Variants in HPS1 observed in about 807,000 individuals in gnomAD.
HPS1 encodes BLOC-3 complex member HPS1.
A neutral mutation model predicts 90.6 loss-of-function variants in HPS1; 59 were observed. The observed-to-expected ratio is 0.65, with a 90% CI of 0.53 to 0.81. The LOEUF (loss-of-function observed/expected upper bound fraction) is 0.81. HPS1 is among the 30% of genes least tolerant of loss of function. The pLI is 0.00. For synonymous variants in HPS1, 388 were observed against 384.4 expected, an observed-to-expected ratio of 1.01 and a Z score of -0.11; for missense variants, 849 against 896.7, an observed-to-expected ratio of 0.95 and a Z score of 0.68.
chr10:98,430,544 C>T (rs1480082614), intron 8 of HPS1, 27 bp downstream of exon 8: 2 of 1,534,348 alleles, frequency 1.3e-6, no homozygotes, highest in Non-Finnish European at 8.8e-7. Flanking sequence ...TAATGGCCTC[C>T]CTCTGCCCAG....
chr10:98,420,199 G>A (rs1459414492), intron 17 of HPS1, 41 bp from the exon 18 acceptor site: 20 of 1,430,090 alleles, frequency 1.4e-5, no homozygotes, highest in Middle Eastern at 3.5e-4. Flanking sequence ...TCCCAGCCTT[G>A]GTCTGCCTGG....
chr10:98,446,249 T>C (rs1011709090), intron 1 of HPS1, among the ~76,000 whole-genome samples: 2 of 152,148 alleles, frequency 1.3e-5, no homozygotes, highest in Admixed American at 1.3e-4. Flanking sequence ...TTGGCCCGAA[T>C]GCCATATTCC....
At chr10:98,427,613 G>A (rs1591065539) in intron 10 of HPS1, among the ~76,000 whole-genome samples, 1 of 141,130 alleles carries the variant, frequency 7.1e-6, no homozygotes, top group South Asian at 2.2e-4. Flanking sequence ...TCCTTGTTCT[G>A]TCCCCTGTAT....
chr10:98,420,360 C>T lies in HPS1; in HGVS notation c.1744-202G>A, dbSNP rs74154422. ...GATGGATGGACTACCCTCCAGTTAGCGTGGGGGCAAAATATATGTAAAAAA... is the reference window on the plus strand; with the variant it reads ...GATGGATGGACTACCCTCCAGTTAGTGTGGGGGCAAAATATATGTAAAAAA... On this transcript the variant is annotated intron_variant, in intron 17 of 19. Transcript: ENST00000361490. 8,852 of 578,000 alleles carry T rather than the reference C, an allele frequency of 0.015. 508 individuals carry two copies. The highest frequency in any genetic ancestry group is 0.14 in the African/African-American group (7,278 of 53,338). 35.8% of individuals were successfully genotyped at this position (578,000 alleles called of 1,614,324 possible).
At chr10:98,415,061 CG>C, downstream of HPS1, 1 of 1,614,100 alleles carries the variant, frequency 6.2e-7, no homozygotes, top group Non-Finnish European at 8.5e-7. Flanking sequence ...CCCTGGCTTC[CG>C]TGTTATCTCG....
intron 11 of HPS1, among the ~76,000 whole-genome samples, chr10:98,426,261 C>T (rs1432917121): frequency 1.3e-5 from 2 of 152,096 alleles, no homozygotes; most frequent in South Asian, 2.1e-4. Flanking sequence ...CACAGAGGAC[C>T]GAGAAGGCAG....
downstream of HPS1, chr10:98,414,912 C>T: frequency 6.6e-7 from 1 of 1,511,570 alleles, no homozygotes; most frequent in Non-Finnish European, 9.0e-7. Context: ...GAGGAGAGAG[C>T]AGTGGGGCTT....
intron 11 of HPS1, 115 bp downstream of exon 11, chr10:98,427,100 A>T: frequency 1.2e-6 from 1 of 828,498 alleles, no homozygotes; most frequent in Non-Finnish European, 2.0e-6. Flanking sequence ...TGGGGTGGGC[A>T]GGAGGAGGGC....
chr10:98,422,021 G>GT (rs527644470), intron 17 of HPS1, among the ~76,000 whole-genome samples: 1 of 135,138 alleles, frequency 7.4e-6, no homozygotes, highest in Non-Finnish European at 1.6e-5. Context: ...CACACGTATA[G>GT]TTTTTTTGGA....
intron 17 of HPS1, among the ~76,000 whole-genome samples, chr10:98,420,778 C>A (rs1844745643): frequency 6.6e-6 from 1 of 151,956 alleles, no homozygotes; most frequent in Admixed American, 6.6e-5. Flanking sequence ...CAGAGAATAG[C>A]CAGGGACATC....
intron 3 of HPS1, among the ~76,000 whole-genome samples, chr10:98,441,124 G>T (rs1303053348): frequency 6.6e-6 from 1 of 152,136 alleles, no homozygotes; most frequent in Non-Finnish European, 1.5e-5. Flanking sequence ...AGCAGAAAGG[G>T]ACAGAGAGGC....
Position 98,431,158 on chromosome 10 carries a change from T to A in HPS1, c.641A>T (p.His214Leu). ...AGAGTAGAATGCCAGCAGCTTGGAG[T>A]GCACGAGCAGGAAGGCATGCAGGGC... ...EEALHAFLLVHSKLLAFYSSH... is the reference protein window; with the variant it reads ...EEALHAFLLVLSKLLAFYSSH... The change falls in exon 7 of 20, where the codon CAC becomes CTC. Residue 214 changes from histidine to leucine, a missense_variant. By Grantham distance (99) the His-to-Leu change is moderately conservative. Coordinates refer to ENST00000361490, the MANE Select transcript of HPS1 (RefSeq NM_000195.5). 1 of 1,613,994 alleles carries A rather than the reference T, an allele frequency of 6.2e-7. No homozygotes were observed. Among genetic ancestry groups the A allele is most frequent in the South Asian group, 1.1e-5 (1 of 91,058 alleles).
intron 3 of HPS1, among the ~76,000 whole-genome samples, chr10:98,442,125 T>C (rs556554892): frequency 1.3e-5 from 2 of 152,326 alleles, no homozygotes; most frequent in South Asian, 4.1e-4. Flanking sequence ...CCTGATACAA[T>C]AGATTACTAC....
At position 98,423,825 on chromosome 10, in the gene HPS1, AGAAAGTTCAGCCGGTAGATG is replaced by A. The variant is rs758028806; in HGVS notation, c.1440_1459del (p.Ile481AspfsTer94). 6.2e-7 allele frequency: 1 copy of A among 1,613,970 alleles called. No individual in the cohort carries two copies. The highest frequency in any genetic ancestry group is 2.2e-5 in the East Asian group (1 of 44,874). ...GCCTCCCCTGCTGGGGGCTGTGGTC[AGAAAGTTCAGCCGGTAGATG>A]GCGCAGAGCTGCCGCTTCAGCTTCC... On this transcript the variant is annotated frameshift_variant, in exon 15 of 20. Transcript: ENST00000361490. LOFTEE classifies it high-confidence loss of function.
At position 98,423,763 on chromosome 10, in the gene HPS1, T is replaced by C; in HGVS notation, c.1522A>G (p.Arg508Gly). 1 of 1,614,134 alleles carries C rather than the reference T, an allele frequency of 6.2e-7. No individual in the cohort carries two copies. The highest frequency in any genetic ancestry group is 8.5e-7 in the Non-Finnish European group (1 of 1,180,028). ...CCGCACTGCACTTACCGCATGAGCC[T>C]CTGCACTTGGTCCTGCAGGTGCTGG... ...LPQHLQDQVQ[R>G]LMREKLTDWK... Residue 508 changes from arginine to glycine, a missense_variant, in exon 15 of 20, where the codon AGG becomes GGG. Physicochemically the swap from Arg to Gly is moderately radical, Grantham distance 125. Coordinates refer to ENST00000361490, the MANE Select transcript of HPS1 (RefSeq NM_000195.5).
chr10:98,434,196 C>T, intron 5 of HPS1, 105 bp from the exon 6 acceptor site: 1 of 1,156,276 alleles, frequency 8.6e-7, no homozygotes, highest in Non-Finnish European at 1.2e-6. Flanking sequence ...GCTTGGTGAG[C>T]CCATATGACC....
At chr10:98,434,317 C>T (rs190321995) in intron 5 of HPS1, among the ~76,000 whole-genome samples, 247 of 152,118 alleles carry the variant, frequency 1.6e-3, no homozygotes, top group Admixed American at 4.1e-3. Context: ...TCACCTCACT[C>T]CTCAGCCTCT....
rs773398143 is a variant in HPS1 at position 98,422,358 on chromosome 10, C to T, written c.1743+11G>A. 8.1e-6 allele frequency: 13 copies of T among 1,612,242 alleles called. No homozygotes were observed. Among genetic ancestry groups the T allele is most frequent in the Admixed American group, 3.3e-5 (2 of 59,982 alleles). ...GGCCCACCCATCCCCGCCCTGGGTCCAAATGGTTACCTTAGTTTTGACAAA... is the reference window on the plus strand; with the variant it reads ...GGCCCACCCATCCCCGCCCTGGGTCTAAATGGTTACCTTAGTTTTGACAAA... On this transcript the variant is annotated intron_variant, in intron 17 of 19. Transcript: ENST00000361490.
chr10:98,414,713 G>A, downstream of HPS1: 1 of 331,050 alleles, frequency 3.0e-6, no homozygotes, highest in Non-Finnish European at 5.5e-6. Flanking sequence ...AAGAGATATA[G>A]GGAAACCCCT....
Sources: allele counts gnomAD v4.1 joint callset (sites outside exome capture counted in the v4.1 genomes callset), GRCh38; gene constraint gnomAD v4.1.1; transcripts MANE v1.5; gene names NCBI Gene and HGNC (gene_info 2026-07-23, HGNC 2026-07-21).